The following DOK6 variants were observed in gnomAD, a reference collection of about 807,000 sequenced individuals.
DOK6 encodes the protein docking protein 6.
DOK6 carries 22 observed loss-of-function variants against 44.0 expected under a neutral mutation model. That is an observed-to-expected ratio of 0.50 (90% CI 0.36 to 0.71). DOK6 has a LOEUF of 0.71. Among genes scored for constraint, DOK6 ranks in the 30% least tolerant of loss-of-function variants. The probability of loss-of-function intolerance (pLI) is 0.00; values close to 1 mark genes in which losing one functional copy is unlikely to be tolerated. For missense variants in DOK6, 340 were observed against 416.4 expected, an observed-to-expected ratio of 0.82 and a Z score of 1.60; for synonymous variants, 166 against 145.5, an observed-to-expected ratio of 1.14 and a Z score of -1.01.
chr18:69,732,786 G>A (rs1978455230), intron 5 of DOK6, among the ~76,000 whole-genome samples: 1 of 152,116 alleles, frequency 6.6e-6, no homozygotes, highest in Admixed American at 6.6e-5. Flanking sequence ...ATTTTAGAGA[G>A]GGTTAAATGG....
chr18:69,585,257 G>GT (rs1246088662), intron 2 of DOK6, among the ~76,000 whole-genome samples: 3 of 151,012 alleles, frequency 2.0e-5, no homozygotes, highest in Non-Finnish European at 3.0e-5. Context: ...TTTAACTCAT[G>GT]TTTTTTAGAA....
intron 1 of DOK6, chr18:69,483,551 GA>G (rs1263434447): frequency 2.0e-5 from 3 of 152,038 alleles, no homozygotes; most frequent in African/African-American, 7.3e-5. Context: ...GACAGACTAC[GA>G]AGTACTCAGT....
At chr18:69,424,895 A>G (rs1978595014) in intron 1 of DOK6, among the ~76,000 whole-genome samples, 1 of 152,140 alleles carries the variant, frequency 6.6e-6, no homozygotes, top group African/African-American at 2.4e-5. Context: ...TATCTTCAAT[A>G]TTGTGCTGGA....
chr18:69,641,286 C>CA (rs1417130863), intron 3 of DOK6, among the ~76,000 whole-genome samples: 2 of 151,808 alleles, frequency 1.3e-5, no homozygotes, highest in South Asian at 2.1e-4. Flanking sequence ...TGCTGTTCCA[C>CA]AAAAAACTTC....
chr18:69,404,467 T>G (rs974804837), intron 1 of DOK6, among the ~76,000 whole-genome samples: 3 of 152,190 alleles, frequency 2.0e-5, no homozygotes, highest in Admixed American at 1.3e-4. Context: ...TCTAACACTT[T>G]GTGTATTGAC....
At chr18:69,688,050 T>C (rs902377312) in intron 4 of DOK6, among the ~76,000 whole-genome samples, 6 of 152,012 alleles carry the variant, frequency 3.9e-5, no homozygotes, top group Non-Finnish European at 2.9e-5. Context: ...TTTCATATAA[T>C]GCAATTAATA....
intron 2 of DOK6, among the ~76,000 whole-genome samples, chr18:69,594,311 TAC>T (rs1983690560): frequency 2.0e-5 from 3 of 151,928 alleles, no homozygotes; most frequent in Admixed American, 6.6e-5. Flanking sequence ...CATACATACA[TAC>T]AGATACATGC....
At chr18:69,751,477 G>T (rs949102088) in intron 6 of DOK6, among the ~76,000 whole-genome samples, 5 of 152,064 alleles carry the variant, frequency 3.3e-5, no homozygotes, top group African/African-American at 4.8e-5. Context: ...TGATACAGTG[G>T]ATTAAAAATT....
chr18:69,596,053 C>A (rs1599212303), intron 2 of DOK6, among the ~76,000 whole-genome samples: 1 of 152,030 alleles, frequency 6.6e-6, no homozygotes, highest in Non-Finnish European at 1.5e-5. Context: ...TGATGAAAAG[C>A]AATTGAGAGA....
In DOK6 at chr18:69,608,411, TGTA is replaced by T. The variant is rs556803295; in HGVS notation, c.289+8917_289+8919del. Among the ~76,000 whole-genome samples, 515 of 152,298 alleles carry T rather than the reference TGTA, an allele frequency of 3.4e-3. 2 individuals are homozygous for T. The highest frequency in any genetic ancestry group is 0.012 in the African/African-American group (492 of 41,564). On this transcript the variant is annotated intron_variant, in intron 3 of 7. Coordinates refer to ENST00000382713, the MANE Select transcript of DOK6 (RefSeq NM_152721.6). The stretch of plus-strand genomic sequence containing the variant: ...TAAACTGTTTTGATTATGGTAAACT[TGTA>T]GTATATTTGAAATCAGGAAGTGTGA...
intron 1 of DOK6, among the ~76,000 whole-genome samples, chr18:69,437,615 C>G (rs867166241): frequency 6.6e-6 from 1 of 152,078 alleles, no homozygotes; most frequent in Admixed American, 6.6e-5. Flanking sequence ...ATGCCTCCAG[C>G]TTTGTTCTTT....
chr18:69,724,106 T>C (rs745445547), intron 5 of DOK6, among the ~76,000 whole-genome samples: 1 of 152,228 alleles, frequency 6.6e-6, no homozygotes, highest in Non-Finnish European at 1.5e-5. Context: ...TTTGTAGGAA[T>C]GCTTAATGAA....
intron 3 of DOK6, among the ~76,000 whole-genome samples, chr18:69,623,321 CA>C (rs1984486109): frequency 6.6e-6 from 1 of 152,076 alleles, no homozygotes; most frequent in African/African-American, 2.4e-5. Flanking sequence ...TACAGCATTG[CA>C]AGAACAGACT....
rs1404967130 is a variant in DOK6 at position 69,694,006 on chromosome 18, C to T, written c.410-4398C>T. 4.4e-5 allele frequency among the ~76,000 whole-genome samples: 6 copies of T among 137,866 alleles called. No homozygotes were observed. In the Admixed American group the frequency reaches 4.9e-4, roughly 11 times the overall value. The allele number at this position is 137,866 out of a possible 152,430, so 90.4% of individuals were successfully genotyped here. On this transcript the variant is annotated intron_variant, in intron 4 of 7. Transcript: ENST00000382713. ...CCCGGGAGGCGGAGCTTGCAGCGAG[C>T]CGAGATCCCGCCACCGCACTCCAGC...
At chr18:69,429,663 A>ATC (rs1298237544) in intron 1 of DOK6, among the ~76,000 whole-genome samples, 273 of 109,996 alleles carry the variant, frequency 2.5e-3, no homozygotes, top group Middle Eastern at 6.3e-3. Flanking sequence ...ATATATATAT[A>ATC]TCTTATTAAT....
intron 7 of DOK6, among the ~76,000 whole-genome samples, chr18:69,800,198 T>G (rs1248638248): frequency 6.6e-6 from 1 of 152,094 alleles, no homozygotes; most frequent in Non-Finnish European, 1.5e-5. Flanking sequence ...TTTACCTAAT[T>G]TCAGAGTATT....
intron 1 of DOK6, among the ~76,000 whole-genome samples, chr18:69,552,425 A>G (rs1982588135): frequency 6.6e-6 from 1 of 152,102 alleles, no homozygotes. Flanking sequence ...TTGTAGTGAC[A>G]ATATCAATAA....
At chr18:69,463,880 A>C (rs1467013590) in intron 1 of DOK6, among the ~76,000 whole-genome samples, 1 of 152,124 alleles carries the variant, frequency 6.6e-6, no homozygotes, top group Non-Finnish European at 1.5e-5. Context: ...TGTCAGGCTA[A>C]TGCTTAGCGT....
In DOK6 at chr18:69,836,953, G is replaced by A. The variant is rs552132870; in HGVS notation, c.857-4291G>A. 1.7e-4 allele frequency among the ~76,000 whole-genome samples: 26 copies of A among 152,158 alleles called. No homozygotes were observed. The East Asian group carries it at 4.1e-3, about 24-fold the overall frequency. On this transcript the variant is annotated intron_variant, in intron 7 of 7. Transcript: ENST00000382713. ...CCTTCATATATAGAGTACTGACTGA[G>A]GTATGCTATTTTTGTAATATGTATT...
Sources: gnomAD v4.1 joint callset for allele counts (sites outside exome capture counted in the v4.1 genomes callset) on GRCh38, gnomAD v4.1.1 for gene constraint, MANE v1.5 for transcripts, NCBI Gene and HGNC (gene_info 2026-07-23, HGNC 2026-07-21) for gene names.